The following SATB1 variants were observed in gnomAD, a reference collection of about 807,000 sequenced individuals.
SATB1 encodes SATB homeobox 1.
In SATB1, 11 loss-of-function variants were observed where a neutral mutation model predicts 86.9. The ratio of observed to expected loss-of-function variants is 0.13; its 90% CI spans 0.08 to 0.21. SATB1 has a LOEUF of 0.21. Among genes scored for constraint, SATB1 ranks in the 10% least tolerant of loss-of-function variants. The pLI, the probability that SATB1 is intolerant of heterozygous loss-of-function variation, is 1.00. For missense variants in SATB1, 551 were observed against 937.6 expected, an observed-to-expected ratio of 0.59 and a Z score of 5.39; for synonymous variants, 357 against 357.2, an observed-to-expected ratio of 1.00 and a Z score of 0.01.
At chr3:18,406,425 A>T (rs1697537599) in intron 5 of SATB1, among the ~76,000 whole-genome samples, 1 of 152,086 alleles carries the variant, frequency 6.6e-6, no homozygotes, top group African/African-American at 2.4e-5. Context: ...AGAAGAAAAT[A>T]AACAAATGAA....
At chr3:18,367,171 T>A (rs1357132421) in intron 9 of SATB1, among the ~76,000 whole-genome samples, 1 of 152,224 alleles carries the variant, frequency 6.6e-6, no homozygotes, top group Non-Finnish European at 1.5e-5. Context: ...ATGTTTTCCA[T>A]GAATGATGCA....
intron 7 of SATB1, among the ~76,000 whole-genome samples, chr3:18,387,129 G>T (rs942817643): frequency 2.6e-5 from 4 of 152,120 alleles, no homozygotes; most frequent in African/African-American, 9.7e-5. Flanking sequence ...TATTTTCACA[G>T]GCAATGTTTA....
chr3:18,353,691 G>A (rs1694489264), intron 9 of SATB1, among the ~76,000 whole-genome samples: 1 of 152,050 alleles, frequency 6.6e-6, no homozygotes, highest in Admixed American at 6.5e-5. Context: ...TATGTATAGT[G>A]GAAAGAAGCA....
intron 9 of SATB1, among the ~76,000 whole-genome samples, chr3:18,354,384 A>G (rs903030724): frequency 5.9e-5 from 9 of 152,142 alleles, no homozygotes; most frequent in African/African-American, 2.2e-4. Context: ...TCCTTTAGCT[A>G]TCATAATTGA....
intron 2 of SATB1, among the ~76,000 whole-genome samples, chr3:18,435,764 C>T (rs888787402): frequency 1.3e-4 from 19 of 152,000 alleles, no homozygotes; most frequent in Admixed American, 1.2e-3. Flanking sequence ...AGTTTGCTCT[C>T]ATTGGCACTA....
chr3:18,443,221 G>A (rs1369100009), upstream of SATB1, among the ~76,000 whole-genome samples: 5 of 152,132 alleles, frequency 3.3e-5, no homozygotes, highest in Non-Finnish European at 7.3e-5. The surrounding 1 kb of genome is among the most constrained non-coding windows in gnomAD (Gnocchi z 4.4). Flanking sequence ...GACACCGAGC[G>A]GTAACATTTT....
intron 10 of SATB1, chr3:18,350,554 T>C (rs1694299073): frequency 6.6e-6 from 1 of 152,292 alleles, no homozygotes; most frequent in South Asian, 2.1e-4. Flanking sequence ...AGTGGCAAAA[T>C]ATTAGAATGC....
chr3:18,352,025 G>A lies in SATB1; in HGVS notation c.1746C>T (p.Pro582=). Residue 582 remains proline, a synonymous_variant, in exon 10 of 11, where the codon CCC becomes CCT. Transcript: ENST00000338745. This position sits in a 1 kb window ranked among gnomAD's most constrained non-coding sequence, Gnocchi z 4.1. ...GCTCTGCTGGAACATGGATAATGTG[G>A]GGCGGCCTGTCGCCATGGTGATGCA... ...NAVHHHGDRP[P]HIIHVPAEQI... is the part of the protein sequence containing the mutation. 6.2e-7 allele frequency: 1 copy of A among 1,614,188 alleles called. No homozygotes were observed. The highest frequency in any genetic ancestry group is 8.5e-7 in the Non-Finnish European group (1 of 1,180,030).
Position 18,351,929 on chromosome 3 carries a change from T to G in SATB1, c.1779+63A>C. Reference sequence around the variant, plus strand: ...GGCAGGAGGAAGAGAAACGCTAATTTCCCTGCTAAGTTTAAAGCTTTATTT... The same window carrying G: ...GGCAGGAGGAAGAGAAACGCTAATTGCCCTGCTAAGTTTAAAGCTTTATTT... On this transcript the variant is annotated intron_variant, in intron 10 of 10. Transcript: ENST00000338745. 3.3e-6 allele frequency: 5 copies of G among 1,518,838 alleles called. No individual in the cohort carries two copies. The South Asian group carries it at 5.7e-5, about 17-fold the overall frequency. 94.1% of individuals were successfully genotyped at this position (1,518,838 alleles called of 1,614,324 possible).
At chr3:18,420,614 C>T in intron 2 of SATB1, 143 bp downstream of exon 2, 4 of 689,314 alleles carry the variant, frequency 5.8e-6, no homozygotes, top group South Asian at 1.8e-5. Flanking sequence ...TACTAAGGAC[C>T]CAGAATGTAA....
intron 2 of SATB1, chr3:18,417,611 C>T (rs1160285240): frequency 3.0e-6 from 2 of 676,894 alleles, no homozygotes; most frequent in East Asian, 2.7e-5. Flanking sequence ...TTCCACAAAT[C>T]ATTTTCTTCC....
chr3:18,364,249 T>C (rs1309080137), intron 9 of SATB1, among the ~76,000 whole-genome samples: 1 of 152,128 alleles, frequency 6.6e-6, no homozygotes, highest in African/African-American at 2.4e-5. Context: ...TTTATGTGCC[T>C]GAAATAAAAT....
intron 9 of SATB1, among the ~76,000 whole-genome samples, chr3:18,356,736 G>A (rs114111627): frequency 1.4e-4 from 22 of 151,778 alleles, no homozygotes; most frequent in Non-Finnish European, 3.0e-4. Context: ...AAGTCAATTC[G>A]CTTCTAACAT....
chr3:18,408,400 T>A lies in SATB1; in HGVS notation c.639+6711A>T, dbSNP rs558724629. Among the ~76,000 whole-genome samples, 67 of 152,154 alleles carry A rather than the reference T, an allele frequency of 4.4e-4. No individual in the cohort carries two copies. In the South Asian group the frequency reaches 0.013, roughly 30 times the overall value. On this transcript the variant is annotated intron_variant, in intron 5 of 10. Transcript: ENST00000338745. ...ATCCCAGGGTGCTTTACAATCATTATGAGTTAAAATTAAAACTGAAGCACA... is the reference window on the plus strand; with the variant it reads ...ATCCCAGGGTGCTTTACAATCATTAAGAGTTAAAATTAAAACTGAAGCACA...
rs941915081 is a variant in SATB1 at position 18,425,149 on chromosome 3, T to TGCCGCCGCC, written c.-1556_-1548dup. 2 of 174,986 alleles carry TGCCGCCGCC rather than the reference T, an allele frequency of 1.1e-5. No individual in the cohort carries two copies. Among genetic ancestry groups the TGCCGCCGCC allele is most frequent in the African/African-American group, 4.8e-5 (2 of 41,656 alleles). 10.8% of individuals were successfully genotyped at this position (174,986 alleles called of 1,614,324 possible). A position where few individuals can be genotyped will look rare whatever the true frequency, so the allele number is the denominator to read the frequency against. On this transcript the variant is annotated 5_prime_UTR_variant, in exon 1 of 11. Coordinates refer to ENST00000338745, the MANE Select transcript of SATB1 (RefSeq NM_002971.6). ...TCTCCGCCGCTGCTCCTGCTGCTGC[T>TGCCGCCGCC]GCCGCCGCCGCCGCCGCTGCCGCTG...
chr3:18,396,196 G>A (rs1482221062), intron 6 of SATB1, among the ~76,000 whole-genome samples: 1 of 151,876 alleles, frequency 6.6e-6, no homozygotes, highest in South Asian at 2.1e-4. Flanking sequence ...GCTATAAAAG[G>A]CAAAGAATCC....
At chr3:18,404,337 T>C (rs1053041986) in intron 5 of SATB1, among the ~76,000 whole-genome samples, 3 of 152,042 alleles carry the variant, frequency 2.0e-5, no homozygotes, top group Admixed American at 6.6e-5. Context: ...TGGGGCATAT[T>C]TGGAATCTCA....
chr3:18,382,626 G>A (rs1347611048), intron 8 of SATB1, among the ~76,000 whole-genome samples: 1 of 152,166 alleles, frequency 6.6e-6, no homozygotes, highest in Admixed American at 6.5e-5. Flanking sequence ...GGTTCTCCCA[G>A]ATATTTTCAT....
chr3:18,400,754 A>G (rs1164922809), intron 5 of SATB1, among the ~76,000 whole-genome samples: 14 of 152,192 alleles, frequency 9.2e-5, no homozygotes, highest in Admixed American at 7.9e-4. Context: ...ATCACATTTC[A>G]TATCAGGTGA....
Sources: allele counts gnomAD v4.1 joint callset (sites outside exome capture counted in the v4.1 genomes callset), GRCh38; gene constraint gnomAD v4.1.1; non-coding constraint Gnocchi (gnomAD v3.1); transcripts MANE v1.5; gene names NCBI Gene and HGNC (gene_info 2026-07-23, HGNC 2026-07-21).